The following NDUFAF2 variants were observed in gnomAD, a reference collection of about 807,000 sequenced individuals.
NDUFAF2 encodes NADH:ubiquinone oxidoreductase complex assembly factor 2, also known as NADH dehydrogenase [ubiquinone] 1 alpha subcomplex assembly factor 2.
A neutral mutation model predicts 22.8 loss-of-function variants in NDUFAF2; 13 were observed. The observed-to-expected ratio is 0.57, with a 90% CI of 0.37 to 0.91. The LOEUF (loss-of-function observed/expected upper bound fraction) is 0.91. NDUFAF2 is among the 40% of genes least tolerant of loss of function. The pLI is 0.01. For synonymous variants in NDUFAF2, 53 were observed against 64.2 expected, an observed-to-expected ratio of 0.83 and a Z score of 0.84; for missense variants, 162 against 195.2, an observed-to-expected ratio of 0.83 and a Z score of 1.01.
At chr5:60,990,244 A>G (rs564866994) in intron 1 of NDUFAF2, among the ~76,000 whole-genome samples, 1 of 152,278 alleles carries the variant, frequency 6.6e-6, no homozygotes, top group East Asian at 1.9e-4. Flanking sequence ...TAGCATGACT[A>G]CAGTCAACTA....
intron 2 of NDUFAF2, 150 bp downstream of exon 2, chr5:61,073,364 A>G: frequency 1.5e-6 from 1 of 667,088 alleles, no homozygotes; most frequent in Non-Finnish European, 2.7e-6. Flanking sequence ...TTAACATTGC[A>G]TTTCTTTGAA....
At chr5:61,034,846 G>A (rs1236142380) in intron 1 of NDUFAF2, among the ~76,000 whole-genome samples, 1 of 151,744 alleles carries the variant, frequency 6.6e-6, no homozygotes, top group Non-Finnish European at 1.5e-5. Context: ...CAAAATAGCT[G>A]TCTGCTTTTA....
chr5:60,955,896 A>G (rs910478294), intron 1 of NDUFAF2, among the ~76,000 whole-genome samples: 17 of 150,376 alleles, frequency 1.1e-4, no homozygotes, highest in African/African-American at 3.9e-4. Context: ...TAGACATGCA[A>G]TAGATTTTTG....
intron 1 of NDUFAF2, among the ~76,000 whole-genome samples, chr5:61,059,955 A>AT (rs1752143868): frequency 6.6e-6 from 1 of 152,284 alleles, no homozygotes; most frequent in African/African-American, 2.4e-5. Context: ...GGGTATCTGT[A>AT]ATAATACTAT....
At chr5:61,048,842 C>G (rs1751987978) in intron 1 of NDUFAF2, among the ~76,000 whole-genome samples, 1 of 152,092 alleles carries the variant, frequency 6.6e-6, no homozygotes, top group Admixed American at 6.6e-5. Context: ...ATACAAACAT[C>G]ATGGTTCTGA....
chr5:60,947,649 C>G (rs1452104921), intron 1 of NDUFAF2, among the ~76,000 whole-genome samples: 1 of 151,538 alleles, frequency 6.6e-6, no homozygotes, highest in African/African-American at 2.4e-5. Context: ...GCCTGTAATC[C>G]CAGCTAGTCG....
intron 3 of NDUFAF2, among the ~76,000 whole-genome samples, chr5:61,128,819 A>AGCTTCT (rs1753070215): frequency 6.6e-6 from 1 of 152,156 alleles, no homozygotes; most frequent in South Asian, 2.1e-4. Flanking sequence ...TAAACTAAAG[A>AGCTTCT]GCTTCTGCAC....
At chr5:61,034,912 A>ATGTGTGTGTGTGTGTGTG (rs1554080641) in intron 1 of NDUFAF2, among the ~76,000 whole-genome samples, 1 of 144,888 alleles carries the variant, frequency 6.9e-6, no homozygotes. Flanking sequence ...GCAAATATAT[A>ATGTGTGTGTGTGTGTGTG]TGTGTGTGTG....
intron 1 of NDUFAF2, among the ~76,000 whole-genome samples, chr5:60,971,533 C>A (rs559625367): frequency 9.9e-5 from 15 of 151,978 alleles, no homozygotes; most frequent in Admixed American, 2.0e-4. Flanking sequence ...GTGATCCGCC[C>A]GCCTCGGCCT....
rs548511975 is a variant in NDUFAF2 at position 60,985,490 on chromosome 5, G to A, written c.127+40108G>A. 1.9e-4 allele frequency among the ~76,000 whole-genome samples: 29 copies of A among 152,138 alleles called. 1 individual carries two copies. In the South Asian group the frequency reaches 5.8e-3, roughly 30 times the overall value. On this transcript the variant is annotated intron_variant, in intron 1 of 3. Transcript: ENST00000296597. Reference sequence around the variant, plus strand: ...TAGTTCTTTTAATTGTGATGTTAGGGTGTCAATTTTAGATCTTTCTTGCTT... The same window carrying A: ...TAGTTCTTTTAATTGTGATGTTAGGATGTCAATTTTAGATCTTTCTTGCTT...
chr5:61,081,000 T>A (rs1041725920), intron 2 of NDUFAF2, among the ~76,000 whole-genome samples: 1 of 152,218 alleles, frequency 6.6e-6, no homozygotes, highest in Non-Finnish European at 1.5e-5. Flanking sequence ...GTTTTGGGTT[T>A]TACATTAAAG....
At chr5:61,128,931 AAG>A (rs1375699971) in intron 3 of NDUFAF2, among the ~76,000 whole-genome samples, 1 of 152,214 alleles carries the variant, frequency 6.6e-6, no homozygotes, top group Non-Finnish European at 1.5e-5. Context: ...AGAATGTACA[AAG>A]AACTCAAACA....
At chr5:61,080,922 A>G (rs911222698) in intron 2 of NDUFAF2, among the ~76,000 whole-genome samples, 1 of 152,098 alleles carries the variant, frequency 6.6e-6, no homozygotes, top group Admixed American at 6.6e-5. Context: ...TATGAAAGAA[A>G]TCTTTGCCTA....
chr5:61,033,630 A>G (rs1167866678), intron 1 of NDUFAF2, among the ~76,000 whole-genome samples: 1 of 152,116 alleles, frequency 6.6e-6, no homozygotes, highest in African/African-American at 2.4e-5. Flanking sequence ...ATTTATTTCC[A>G]TGTTTTTTCA....
At chr5:61,068,745 G>T (rs1041284107) in intron 1 of NDUFAF2, among the ~76,000 whole-genome samples, 1 of 152,008 alleles carries the variant, frequency 6.6e-6, no homozygotes, top group Non-Finnish European at 1.5e-5. Flanking sequence ...AAAGGCAGTG[G>T]TTTTTCTTTT....
chr5:61,044,871 G>A (rs1751927267), intron 1 of NDUFAF2, among the ~76,000 whole-genome samples: 1 of 151,824 alleles, frequency 6.6e-6, no homozygotes, highest in South Asian at 2.1e-4. Flanking sequence ...AATTATCCTT[G>A]GAATTTTGAA....
chr5:61,134,890 T>C (rs1740894884), intron 3 of NDUFAF2, among the ~76,000 whole-genome samples: 1 of 152,106 alleles, frequency 6.6e-6, no homozygotes, highest in African/African-American at 2.4e-5. Flanking sequence ...GTCTTACTCT[T>C]CTTACTATCA....
chr5:61,130,967 T>C (rs902484503), intron 3 of NDUFAF2, among the ~76,000 whole-genome samples: 1 of 151,824 alleles, frequency 6.6e-6, no homozygotes, highest in African/African-American at 2.4e-5. Context: ...CACGAGAGAG[T>C]AGCATGACAC....
chr5:60,960,922 TA>T (rs568999677), intron 1 of NDUFAF2, among the ~76,000 whole-genome samples: 138 of 152,312 alleles, frequency 9.1e-4, no homozygotes, highest in African/African-American at 3.2e-3. Context: ...CTGTTTTATT[TA>T]TTAAAAATAT....
Sources: allele counts gnomAD v4.1 joint callset (sites outside exome capture counted in the v4.1 genomes callset), GRCh38; gene constraint gnomAD v4.1.1; transcripts MANE v1.5; gene names NCBI Gene and HGNC (gene_info 2026-07-23, HGNC 2026-07-21).